TOM1L1: variants seen among roughly 807,000 people sequenced by gnomAD.
TOM1L1 encodes the protein TOM1-like protein 1.
In TOM1L1, 64 loss-of-function variants were observed where a neutral mutation model predicts 63.4. That is an observed-to-expected ratio of 1.01 (90% CI 0.83 to 1.24). The LOEUF (loss-of-function observed/expected upper bound fraction) is 1.24, where lower values mean the gene tolerates loss of function less well. Ranked by LOEUF, TOM1L1 falls within the 50% of genes most tolerant of loss-of-function variation. TOM1L1 has a pLI of 0.00. For synonymous variants in TOM1L1, 166 were observed against 194.4 expected (o/e 0.85, Z 1.22); for missense variants, 536 against 567.0 (o/e 0.95, Z 0.55).
At chr17:54,927,835 T>C (rs892080085) in intron 7 of TOM1L1, among the ~76,000 whole-genome samples, 14 of 152,222 alleles carry the variant, frequency 9.2e-5, no homozygotes, top group Non-Finnish European at 1.5e-5. Context: ...GAAGACGTTT[T>C]TCACATTCTG....
intron 15 of TOM1L1, among the ~76,000 whole-genome samples, chr17:54,960,834 A>G (rs543277693): frequency 6.6e-6 from 1 of 152,332 alleles, no homozygotes; most frequent in South Asian, 2.1e-4. Flanking sequence ...TGTAAATAGT[A>G]AGGCTTGGGA....
At chr17:54,901,591 A>C (rs969614608) in intron 1 of TOM1L1, among the ~76,000 whole-genome samples, 4 of 152,240 alleles carry the variant, frequency 2.6e-5, no homozygotes, top group African/African-American at 9.6e-5. Context: ...TGTAGAAGCC[A>C]GTGATTGGAC....
chr17:54,927,104 A>G (rs1439874006), intron 7 of TOM1L1, among the ~76,000 whole-genome samples: 3 of 152,220 alleles, frequency 2.0e-5, no homozygotes, highest in Non-Finnish European at 4.4e-5. Context: ...TGAAGCCTGT[A>G]TAAGGAAAGA....
rs372776781 is a variant in TOM1L1, at chr17:54,958,748, A to AAAGG, written c.1371-1818_1371-1817insAAGG. 1.3e-4 allele frequency among the ~76,000 whole-genome samples: 15 copies of AAAGG among 118,928 alleles called. 2 individuals are homozygous for AAAGG. Among genetic ancestry groups the AAAGG allele is most frequent in the South Asian group, 2.6e-4 (1 of 3,894 alleles). The allele number at this position is 118,928 out of a possible 152,430, so 78.0% of individuals were successfully genotyped here. A position where few individuals can be genotyped will look rare whatever the true frequency, so the allele number is the denominator to read the frequency against. ...TCCATCTCAAAAAAAAAAAAAAAAA[A>AAAGG]GGGGTTGTTGGTAGCTAGAGGATAC... is the stretch of plus-strand genomic sequence containing the variant. On this transcript the variant is annotated intron_variant, in intron 14 of 15. Transcript: ENST00000575882.
At chr17:54,911,725 T>C (rs762930975) in intron 3 of TOM1L1, among the ~76,000 whole-genome samples, 7 of 152,244 alleles carry the variant, frequency 4.6e-5, no homozygotes, top group Non-Finnish European at 7.3e-5. Flanking sequence ...GCATTGCTAC[T>C]GGATCTTTCT....
At chr17:54,936,303 TCA>T (rs1292719331) in intron 8 of TOM1L1, 1 of 179,902 alleles carries the variant, frequency 5.6e-6, no homozygotes, top group African/African-American at 2.4e-5. Context: ...AGAAAAATTC[TCA>T]CAGCATACTC....
chr17:54,952,167 AG>A, intron 14 of TOM1L1: 1 of 152,332 alleles, frequency 6.6e-6, no homozygotes, highest in African/African-American at 2.4e-5. Context: ...AAACAACAGT[AG>A]TAAGAGCAAT....
chr17:54,933,035 CAG>C (rs2048889408), intron 8 of TOM1L1, among the ~76,000 whole-genome samples: 1 of 152,214 alleles, frequency 6.6e-6, no homozygotes, highest in Non-Finnish European at 1.5e-5. Flanking sequence ...TCCTAAGATT[CAG>C]AGAGAAACTC....
chr17:54,930,042 G>C (rs755670106), intron 7 of TOM1L1, 31 bp from the exon 8 acceptor site: 17 of 1,613,500 alleles, frequency 1.1e-5, no homozygotes, highest in Middle Eastern at 1.6e-4. Flanking sequence ...TCCAAGTGTG[G>C]AAGAAGAAAT....
chr17:54,905,360 C>A, intron 2 of TOM1L1, 129 bp from the exon 3 acceptor site: 1 of 641,262 alleles, frequency 1.6e-6, no homozygotes, highest in East Asian at 2.7e-5. Flanking sequence ...TAGGGTCCCA[C>A]AGTAGAACCA....
At chr17:54,914,500 G>A (rs1279504600) in intron 5 of TOM1L1, 139 bp from the exon 6 acceptor site, 5 of 641,948 alleles carry the variant, frequency 7.8e-6, no homozygotes, top group Admixed American at 4.7e-5. Flanking sequence ...TGGACGGGTT[G>A]TGTAGCTGAT....
intron 7 of TOM1L1, among the ~76,000 whole-genome samples, chr17:54,921,349 C>G (rs2048680543): frequency 6.6e-6 from 1 of 152,070 alleles, no homozygotes; most frequent in South Asian, 2.1e-4. Context: ...AATACAAATT[C>G]TATATAGCAT....
intron 14 of TOM1L1, among the ~76,000 whole-genome samples, chr17:54,956,294 G>A (rs1004334885): frequency 6.6e-6 from 1 of 151,924 alleles, no homozygotes; most frequent in Non-Finnish European, 1.5e-5. Flanking sequence ...ATTGGGGTGT[G>A]CTACCATGCC....
rs2077121292 is a variant in TOM1L1 at position 54,961,379 on chromosome 17, A to G, written c.*146A>G. 7 of 1,550,000 alleles carry G rather than the reference A, an allele frequency of 4.5e-6. No homozygotes were observed. The highest frequency in any genetic ancestry group is 6.1e-6 in the Non-Finnish European group (7 of 1,146,356). On this transcript the variant is annotated 3_prime_UTR_variant, in exon 16 of 16. Coordinates refer to ENST00000575882, the MANE Select transcript of TOM1L1 (RefSeq NM_005486.3). ...ACATTTCTGCTATAATGAAGATTAAATAGAATAACAGTTCCAGGATAACAC... is the reference window on the plus strand; with the variant it reads ...ACATTTCTGCTATAATGAAGATTAAGTAGAATAACAGTTCCAGGATAACAC...
At chr17:54,946,261 A>G (rs2049116818) in intron 11 of TOM1L1, among the ~76,000 whole-genome samples, 1 of 152,174 alleles carries the variant, frequency 6.6e-6, no homozygotes, top group African/African-American at 2.4e-5. Flanking sequence ...TCAGTATTTC[A>G]TAAACAACTT....
At chr17:54,943,534 TTATTTTGCTAATTTTG>T (rs1239101332) in intron 11 of TOM1L1, among the ~76,000 whole-genome samples, 1 of 151,666 alleles carries the variant, frequency 6.6e-6, no homozygotes, top group Admixed American at 6.6e-5. Flanking sequence ...TCTTTTCCTG[TTATTTTGCTAATTTTG>T]TTAGCAAAAT....
chr17:54,938,920 T>A lies in TOM1L1; in HGVS notation c.1034-4T>A. The A allele has an allele frequency of 6.2e-7, 1 of 1,601,540 alleles. No homozygotes were observed. ...AAGCCAAACAAGTCCATTTTGTGTT[T>A]TAGATTTCAGCCTTCCAAGTTCTGA... On this transcript the variant is annotated splice_polypyrimidine_tract_variant and splice_region_variant and intron_variant, in intron 10 of 15. Transcript: ENST00000575882.
intron 14 of TOM1L1, chr17:54,958,421 T>C (rs1449577556): frequency 4.6e-5 from 7 of 152,316 alleles, no homozygotes; most frequent in East Asian, 3.9e-4. Flanking sequence ...AGAACTTAAA[T>C]ATGAAGCAGT....
intron 8 of TOM1L1, among the ~76,000 whole-genome samples, chr17:54,933,547 A>G (rs549829503): frequency 6.6e-6 from 1 of 152,328 alleles, no homozygotes; most frequent in East Asian, 1.9e-4. Flanking sequence ...TTTTTGAGAC[A>G]GAGTCTTGTT....
Sources: allele counts gnomAD v4.1 joint callset (sites outside exome capture counted in the v4.1 genomes callset), GRCh38; gene constraint gnomAD v4.1.1; transcripts MANE v1.5; gene names NCBI Gene and HGNC (gene_info 2026-07-23, HGNC 2026-07-21).